AGBL1: variants seen among roughly 807,000 people sequenced by gnomAD.
The protein encoded by AGBL1 is AGBL carboxypeptidase 1.
In AGBL1, 130 loss-of-function variants were observed where a neutral mutation model predicts 118.9. The observed-to-expected ratio is 1.09, with a 90% CI of 0.95 to 1.26. AGBL1 has a LOEUF of 1.26. Ranked by LOEUF, AGBL1 falls within the 50% of genes most tolerant of loss-of-function variation. The pLI is 0.00. For missense variants in AGBL1, 1,584 were observed against 1,298.1 expected (o/e 1.22, Z -3.38); for synonymous variants, 555 against 478.9 (o/e 1.16, Z -2.08).
chr15:86,384,163 T>C (rs2081150437), intron 17 of AGBL1, among the ~76,000 whole-genome samples: 1 of 152,186 alleles, frequency 6.6e-6, no homozygotes. Flanking sequence ...TGCTTGAGAC[T>C]TGGCCATGAA....
At chr15:86,305,376 G>A (rs1315799421) in intron 17 of AGBL1, among the ~76,000 whole-genome samples, 1 of 152,118 alleles carries the variant, frequency 6.6e-6, no homozygotes, top group East Asian at 1.9e-4. Context: ...GAAGGAGAAA[G>A]GGAAAGCGAA....
intron 24 of AGBL1, among the ~76,000 whole-genome samples, chr15:86,996,254 A>G (rs916909632): frequency 1.3e-5 from 2 of 152,164 alleles, no homozygotes; most frequent in African/African-American, 4.8e-5. Context: ...TTGTGTAACT[A>G]TCTCCCAGAT....
intron 17 of AGBL1, among the ~76,000 whole-genome samples, chr15:86,354,477 T>C (rs2080681227): frequency 6.6e-6 from 1 of 152,196 alleles, no homozygotes; most frequent in Non-Finnish European, 1.5e-5. Flanking sequence ...TGAATGGAGC[T>C]GAGGTAGAAG....
At chr15:86,757,738 C>A (rs1002907169) in intron 22 of AGBL1, among the ~76,000 whole-genome samples, 1 of 152,066 alleles carries the variant, frequency 6.6e-6, no homozygotes, top group Non-Finnish European at 1.5e-5. Flanking sequence ...TTTCTTTCCT[C>A]CCGCTGGTCC....
chr15:86,706,928 G>A (rs1024571391), intron 22 of AGBL1, among the ~76,000 whole-genome samples: 1 of 152,044 alleles, frequency 6.6e-6, no homozygotes, highest in Non-Finnish European at 1.5e-5. Flanking sequence ...CCTATGGAGA[G>A]TAAAAAGGGA....
intron 5 of AGBL1, among the ~76,000 whole-genome samples, chr15:86,215,224 C>CGTGTGTGTGT (rs1555449552): frequency 1.7e-5 from 2 of 114,402 alleles, no homozygotes; most frequent in Non-Finnish European, 3.9e-5. Flanking sequence ...TATATGTATG[C>CGTGTGTGTGT]GTGTGTGTGT....
chr15:86,652,390 G>A (rs984854028), intron 21 of AGBL1, among the ~76,000 whole-genome samples: 3 of 152,122 alleles, frequency 2.0e-5, no homozygotes, highest in Admixed American at 1.3e-4. Flanking sequence ...AAAGATAAGA[G>A]CTAGGCTTTA....
intron 23 of AGBL1, among the ~76,000 whole-genome samples, chr15:86,969,518 C>T (rs943803057): frequency 6.6e-6 from 1 of 152,038 alleles, no homozygotes; most frequent in African/African-American, 2.4e-5. Flanking sequence ...TATGTATGCA[C>T]ATACGCATAG....
At chr15:86,799,408 G>T (rs376675513) in intron 22 of AGBL1, among the ~76,000 whole-genome samples, 1 of 152,078 alleles carries the variant, frequency 6.6e-6, no homozygotes, top group East Asian at 1.9e-4. Flanking sequence ...AGGTGTGGGC[G>T]AATAGGGTGG....
At chr15:86,488,739 C>T (rs563063530) in intron 18 of AGBL1, among the ~76,000 whole-genome samples, 1 of 152,148 alleles carries the variant, frequency 6.6e-6, no homozygotes, top group African/African-American at 2.4e-5. Context: ...CAACTCATCG[C>T]CCCTCTCTAC....
intron 18 of AGBL1, among the ~76,000 whole-genome samples, chr15:86,501,368 A>T (rs1596195293): frequency 6.6e-6 from 1 of 151,764 alleles, no homozygotes; most frequent in East Asian, 1.9e-4. Flanking sequence ...ATTATTGAGT[A>T]TAAGAAAATA....
chr15:86,760,635 G>A (rs578193695), intron 22 of AGBL1, among the ~76,000 whole-genome samples: 1 of 151,452 alleles, frequency 6.6e-6, no homozygotes, highest in Non-Finnish European at 1.5e-5. Flanking sequence ...TAAAGAAACT[G>A]TTGCCTCCTG....
intron 18 of AGBL1, among the ~76,000 whole-genome samples, chr15:86,408,033 C>G (rs189522212): frequency 6.6e-6 from 1 of 152,278 alleles, no homozygotes; most frequent in African/African-American, 2.4e-5. Flanking sequence ...CAGAGGGCAA[C>G]TGGCTGTCAC....
chr15:86,113,257 C>CTTTTCT (rs150495748), intron 1 of AGBL1, among the ~76,000 whole-genome samples: 76 of 39,790 alleles, frequency 1.9e-3, no homozygotes, highest in East Asian at 0.015. Context: ...CTTTTCTTTT[C>CTTTTCT]TTTCTTTCTT....
At chr15:86,238,271 T>C (rs1013870151) in intron 6 of AGBL1, among the ~76,000 whole-genome samples, 17 of 152,240 alleles carry the variant, frequency 1.1e-4, no homozygotes, top group Admixed American at 4.6e-4. Flanking sequence ...GCTTTCTCTA[T>C]TTCATTTTCT....
intron 11 of AGBL1, 118 bp downstream of exon 11, chr15:86,264,956 T>A: frequency 2.0e-6 from 2 of 1,015,200 alleles, no homozygotes; most frequent in Non-Finnish European, 2.7e-6. Flanking sequence ...ATCAGGAACA[T>A]GTCAAAGCCT....
intron 22 of AGBL1, among the ~76,000 whole-genome samples, chr15:86,889,541 TC>T (rs1327118920): frequency 6.6e-6 from 1 of 152,042 alleles, no homozygotes; most frequent in Admixed American, 6.6e-5. Flanking sequence ...TGCTCTCCCT[TC>T]CCCCACCTGG....
intron 21 of AGBL1, among the ~76,000 whole-genome samples, chr15:86,669,945 A>G (rs1407046787): frequency 1.3e-5 from 2 of 152,066 alleles, no homozygotes; most frequent in Non-Finnish European, 2.9e-5. Flanking sequence ...ATTCAACTTT[A>G]TTTAAATCAT....
intron 21 of AGBL1, among the ~76,000 whole-genome samples, chr15:86,632,324 A>C (rs1182418997): frequency 6.6e-6 from 1 of 150,842 alleles, no homozygotes; most frequent in Non-Finnish European, 1.5e-5. Context: ...TATGCCTGTA[A>C]TCCAGCACTG....
Sources: allele counts gnomAD v4.1 joint callset (sites outside exome capture counted in the v4.1 genomes callset), GRCh38; gene constraint gnomAD v4.1.1; transcripts MANE v1.5; gene names NCBI Gene and HGNC (gene_info 2026-07-23, HGNC 2026-07-21).